The following TMEM131 variants were observed in gnomAD, a reference collection of about 807,000 sequenced individuals.
The protein encoded by TMEM131 is 2610524E03Rik.
Under a neutral mutation model 211.6 loss-of-function variants are expected in TMEM131, and 66 were observed. That is an observed-to-expected ratio of 0.31 (90% CI 0.26 to 0.38). The LOEUF (loss-of-function observed/expected upper bound fraction) is 0.38, where lower values mean the gene tolerates loss of function less well. Among genes scored for constraint, TMEM131 ranks in the 10% least tolerant of loss-of-function variants. The pLI, the probability that TMEM131 is intolerant of heterozygous loss-of-function variation, is 1.00. For synonymous variants in TMEM131, 844 were observed against 841.3 expected (o/e 1.00, Z -0.06); for missense variants, 2,036 against 2,299.3 (o/e 0.89, Z 2.34).
intron 4 of TMEM131, among the ~76,000 whole-genome samples, chr2:97,874,536 C>T (rs1395098774): frequency 2.0e-5 from 3 of 152,236 alleles, no homozygotes; most frequent in African/African-American, 7.2e-5. Context: ...TCTGCAGAAA[C>T]TCTACTAGCC....
intron 4 of TMEM131, among the ~76,000 whole-genome samples, chr2:97,863,371 G>A (rs978667529): frequency 6.6e-6 from 1 of 152,144 alleles, no homozygotes; most frequent in Admixed American, 6.5e-5. Flanking sequence ...GCAAGCACCA[G>A]TAACCAAAGC....
chr2:97,995,552 G>C lies in TMEM131; in HGVS notation c.111C>G (p.Ser37Arg). The C allele has an allele frequency of 1.5e-6, 2 of 1,329,896 alleles. No homozygotes were observed. The highest frequency in any genetic ancestry group is 9.6e-7 in the Non-Finnish European group (1 of 1,037,000). 82.4% of individuals were successfully genotyped at this position (1,329,896 alleles called of 1,614,324 possible). The change falls in exon 1 of 41, where the codon AGC (serine) becomes AGG (arginine). Residue 37 changes from serine (S) to arginine (R), a missense_variant. Coordinates refer to ENST00000186436, the MANE Select transcript of TMEM131 (RefSeq NM_015348.2). ...GCGCGCCTAGGAGGCCGGCGGCCGC[G>C]CTCCGCGGGCCCCCGCTACGGGCGG... ...PAAARSGGPR[S>R]AAAGLLGALH...
chr2:97,869,865 A>G (rs923922826), intron 4 of TMEM131, among the ~76,000 whole-genome samples: 4 of 152,306 alleles, frequency 2.6e-5, no homozygotes, highest in Non-Finnish European at 5.9e-5. Context: ...TTATCTTACA[A>G]TTCTGTAAGA....
In TMEM131 at chr2:97,785,147, A is replaced by T. The variant is rs562114587; in HGVS notation, c.4144+7239T>A. On this transcript the variant is annotated intron_variant, in intron 31 of 40. Transcript: ENST00000186436. ...TAACATCTTCCCCCCACTTTAAGTCAAAGTGAACTCCAAACTAAGTTTCAC... is the reference window on the plus strand; with the variant it reads ...TAACATCTTCCCCCCACTTTAAGTCTAAGTGAACTCCAAACTAAGTTTCAC... Among the ~76,000 whole-genome samples the T allele has an allele frequency of 2.0e-5, 3 of 152,200 alleles. No homozygotes were observed. The South Asian group carries it at 6.2e-4, about 31-fold the overall frequency.
intron 4 of TMEM131, among the ~76,000 whole-genome samples, chr2:97,861,580 C>T (rs1443051603): frequency 3.3e-5 from 5 of 151,664 alleles, no homozygotes; most frequent in African/African-American, 9.7e-5. Context: ...GGTAGCCTGG[C>T]GGTATTCTCC....
chr2:97,979,283 A>G (rs1679682956), intron 1 of TMEM131, among the ~76,000 whole-genome samples: 1 of 152,198 alleles, frequency 6.6e-6, no homozygotes, highest in South Asian at 2.1e-4. Context: ...ATTGGCTTCA[A>G]CTTAAAGTTA....
intron 29 of TMEM131, among the ~76,000 whole-genome samples, chr2:97,794,352 T>C (rs763256159): frequency 3.3e-5 from 5 of 152,172 alleles, no homozygotes; most frequent in African/African-American, 4.8e-5. Context: ...TGAATTTTTA[T>C]AGAATGCCAT....
At chr2:97,823,044 T>C (rs1300710196) in intron 11 of TMEM131, among the ~76,000 whole-genome samples, 2 of 152,066 alleles carry the variant, frequency 1.3e-5, no homozygotes, top group Non-Finnish European at 2.9e-5. Context: ...GCAAGTAGAG[T>C]GAAATACCTT....
At chr2:97,874,612 T>C (rs1444471377) in intron 4 of TMEM131, among the ~76,000 whole-genome samples, 1 of 152,172 alleles carries the variant, frequency 6.6e-6, no homozygotes, top group African/African-American at 2.4e-5. Context: ...GAATTTCATA[T>C]CCAGCCAAAC....
chr2:97,921,474 C>A (rs922069770), intron 2 of TMEM131, among the ~76,000 whole-genome samples: 1 of 152,130 alleles, frequency 6.6e-6, no homozygotes, highest in Non-Finnish European at 1.5e-5. Context: ...AAAGTATTAA[C>A]CATAATGGAA....
chr2:97,793,854 C>T (rs761078798), intron 29 of TMEM131, among the ~76,000 whole-genome samples: 2 of 151,326 alleles, frequency 1.3e-5, no homozygotes, highest in African/African-American at 4.9e-5. Flanking sequence ...ATTAGCCGGC[C>T]GTGGTGGCGG....
rs1230144448 is a variant in TMEM131, at chr2:97,804,727, G to A, written c.2402+361C>T. On this transcript the variant is annotated intron_variant, in intron 22 of 40. Transcript: ENST00000186436. ...CTAGGTGGGGGTAAACCTAGAAAAT[G>A]TTTCCCTTGCCTTTAACAGACATCA... 2.0e-5 allele frequency among the ~76,000 whole-genome samples: 3 copies of A among 151,194 alleles called. No homozygotes were observed. The East Asian group carries it at 5.9e-4, about 30-fold the overall frequency.
At chr2:97,948,030 C>A (rs1678123648) in intron 1 of TMEM131, among the ~76,000 whole-genome samples, 2 of 152,072 alleles carry the variant, frequency 1.3e-5, no homozygotes, top group African/African-American at 4.8e-5. Context: ...TTACAAAAAT[C>A]AACTTGAAAT....
chr2:97,852,377 C>T (rs1286902801), intron 5 of TMEM131, among the ~76,000 whole-genome samples: 7 of 152,032 alleles, frequency 4.6e-5, no homozygotes, highest in African/African-American at 1.4e-4. Flanking sequence ...AGGTTGGTTT[C>T]GAACTCCTGA....
intron 4 of TMEM131, among the ~76,000 whole-genome samples, chr2:97,867,776 A>G (rs1273346607): frequency 6.6e-6 from 1 of 152,212 alleles, no homozygotes; most frequent in East Asian, 1.9e-4. Context: ...CTCCCTTCTC[A>G]GGGTGAAACT....
Position 97,952,714 on chromosome 2 carries a change from A to G in TMEM131, c.188-25227T>C, listed in dbSNP as rs1409494754. On this transcript the variant is annotated intron_variant, in intron 1 of 40. Coordinates refer to ENST00000186436, the MANE Select transcript of TMEM131 (RefSeq NM_015348.2). ...CAACACAGTGAGACTACATCACTAC[A>G]AAAAAATTTTAAAAATTAGCTGGGC... Among the ~76,000 whole-genome samples the G allele has an allele frequency of 3.9e-5, 6 of 152,158 alleles. No homozygotes were observed. The East Asian group carries it at 9.7e-4, about 25-fold the overall frequency.
At chr2:97,987,985 A>AC (rs777230009) in intron 1 of TMEM131, among the ~76,000 whole-genome samples, 26 of 152,228 alleles carry the variant, frequency 1.7e-4, no homozygotes, top group Admixed American at 4.6e-4. Flanking sequence ...ATCTCAAGGG[A>AC]CCCCAAATAG....
intron 3 of TMEM131, among the ~76,000 whole-genome samples, chr2:97,894,531 T>C (rs566099308): frequency 2.0e-5 from 3 of 152,192 alleles, no homozygotes; most frequent in East Asian, 1.9e-4. Flanking sequence ...AGTTTTTCCA[T>C]TTGTTTGTGT....
At chr2:97,867,001 C>T (rs78719876) in intron 4 of TMEM131, among the ~76,000 whole-genome samples, 2 of 152,156 alleles carry the variant, frequency 1.3e-5, no homozygotes, top group African/African-American at 2.4e-5. Flanking sequence ...TGTTGGCACA[C>T]AAAAAAATTC....
Sources: gnomAD v4.1 joint callset for allele counts (sites outside exome capture counted in the v4.1 genomes callset) on GRCh38, gnomAD v4.1.1 for gene constraint, MANE v1.5 for transcripts, NCBI Gene and HGNC (gene_info 2026-07-23, HGNC 2026-07-21) for gene names.